KCNK13: variants seen among roughly 807,000 people sequenced by gnomAD.
KCNK13 encodes potassium two pore domain channel subfamily K member 13.
Under a neutral mutation model 23.4 loss-of-function variants are expected in KCNK13, and 12 were observed. The observed-to-expected ratio is 0.51, with a 90% CI of 0.33 to 0.83. The LOEUF is 0.83. Among genes scored for constraint, KCNK13 ranks in the 40% least tolerant of loss-of-function variants. The probability of loss-of-function intolerance (pLI) is 0.02; values close to 1 mark genes in which losing one functional copy is unlikely to be tolerated. For missense variants in KCNK13, 463 were observed against 556.3 expected, an observed-to-expected ratio of 0.83 and a Z score of 1.69; for synonymous variants, 231 against 229.5, an observed-to-expected ratio of 1.01 and a Z score of -0.06.
chr14:90,161,288 C>T (rs1001512427), intron 1 of KCNK13, among the ~76,000 whole-genome samples: 6 of 152,088 alleles, frequency 3.9e-5, no homozygotes, highest in African/African-American at 1.2e-4. Flanking sequence ...TAGAGGCTGC[C>T]GCAGTGGGGC....
At chr14:90,084,554 A>G (rs1219191875) in intron 1 of KCNK13, among the ~76,000 whole-genome samples, 7 of 152,226 alleles carry the variant, frequency 4.6e-5, no homozygotes, top group Admixed American at 3.3e-4. Flanking sequence ...AGGATTTTCT[A>G]TATACATGAA....
intron 1 of KCNK13, among the ~76,000 whole-genome samples, chr14:90,142,397 C>T (rs1890019266): frequency 7.5e-6 from 1 of 133,442 alleles, no homozygotes; most frequent in Non-Finnish European, 1.5e-5. Flanking sequence ...CGGCTCACTG[C>T]AAGCTCCGCC....
chr14:90,140,908 C>T (rs1184059412), intron 1 of KCNK13, among the ~76,000 whole-genome samples: 1 of 152,154 alleles, frequency 6.6e-6, no homozygotes, highest in Non-Finnish European at 1.5e-5. Context: ...GCAGAGGGGA[C>T]CTGAGCCCCC....
intron 1 of KCNK13, among the ~76,000 whole-genome samples, chr14:90,079,539 G>A (rs1260374646): frequency 1.3e-5 from 2 of 152,156 alleles, no homozygotes; most frequent in Non-Finnish European, 1.5e-5. Context: ...TCACAGGTGT[G>A]AGCCATTAGC....
At chr14:90,076,913 G>A (rs887618606) in intron 1 of KCNK13, among the ~76,000 whole-genome samples, 1 of 152,094 alleles carries the variant, frequency 6.6e-6, no homozygotes, top group African/African-American at 2.4e-5. Flanking sequence ...TCTGCTTCCC[G>A]AGTTCACTCC....
intron 1 of KCNK13, among the ~76,000 whole-genome samples, chr14:90,069,570 C>G (rs971902324): frequency 1.3e-5 from 2 of 151,210 alleles, no homozygotes; most frequent in Non-Finnish European, 2.9e-5. Context: ...GAGGAAAGAG[C>G]TTTTGAAATC....
intron 1 of KCNK13, among the ~76,000 whole-genome samples, chr14:90,064,666 C>T (rs1164219877): frequency 1.3e-5 from 2 of 152,194 alleles, no homozygotes; most frequent in Non-Finnish European, 2.9e-5. Context: ...CTGCTCCCTC[C>T]GTCTGCGTAA....
intron 1 of KCNK13, chr14:90,107,959 G>A: frequency 2.7e-6 from 2 of 731,064 alleles, no homozygotes; most frequent in Non-Finnish European, 5.2e-6. Flanking sequence ...GTGGGGAACT[G>A]CTGACGCGGC....
chr14:90,087,369 G>A (rs1889293513), intron 1 of KCNK13, among the ~76,000 whole-genome samples: 1 of 151,776 alleles, frequency 6.6e-6, no homozygotes, highest in Non-Finnish European at 1.5e-5. Context: ...TAATACAGCT[G>A]CTTTTGTAAT....
chr14:90,123,144 G>C (rs926742639), intron 1 of KCNK13, among the ~76,000 whole-genome samples: 20 of 152,194 alleles, frequency 1.3e-4, no homozygotes, highest in Admixed American at 1.1e-3. Flanking sequence ...CCAGGAACTT[G>C]CACTCACTGA....
chr14:90,144,737 G>T (rs982074718), intron 1 of KCNK13, among the ~76,000 whole-genome samples: 1 of 151,910 alleles, frequency 6.6e-6, no homozygotes, highest in Non-Finnish European at 1.5e-5. Context: ...GGGATTATAG[G>T]CTTGAACCAC....
chr14:90,138,224 G>A (rs965453921), intron 1 of KCNK13, among the ~76,000 whole-genome samples: 1 of 151,964 alleles, frequency 6.6e-6, no homozygotes, highest in Non-Finnish European at 1.5e-5. Flanking sequence ...ATATATATAT[G>A]TAAACAATTC....
chr14:90,102,345 T>C (rs1889491980), intron 1 of KCNK13, among the ~76,000 whole-genome samples: 1 of 152,188 alleles, frequency 6.6e-6, no homozygotes, highest in Admixed American at 6.5e-5. Context: ...CAGATTCAGT[T>C]CATAACTCTC....
At chr14:90,155,641 CA>C (rs1196845663) in intron 1 of KCNK13, among the ~76,000 whole-genome samples, 1 of 152,078 alleles carries the variant, frequency 6.6e-6, no homozygotes, top group Non-Finnish European at 1.5e-5. Flanking sequence ...GTAGGTAGAA[CA>C]AACGGGATCT....
intron 1 of KCNK13, among the ~76,000 whole-genome samples, chr14:90,117,734 A>G (rs377471777): frequency 7.9e-5 from 12 of 152,232 alleles, no homozygotes; most frequent in African/African-American, 2.9e-4. Flanking sequence ...GGTACTTAGT[A>G]CATTCACAGT....
chr14:90,087,156 T>TATATATATA (rs1555401790), intron 1 of KCNK13, among the ~76,000 whole-genome samples: 8 of 117,736 alleles, frequency 6.8e-5, no homozygotes, highest in African/African-American at 2.3e-4. Context: ...ATATATATAT[T>TATATATATA]TTTTTTTTTT....
chr14:90,158,712 C>G (rs1299323385), intron 1 of KCNK13, among the ~76,000 whole-genome samples: 1 of 152,234 alleles, frequency 6.6e-6, no homozygotes, highest in East Asian at 1.9e-4. Flanking sequence ...TGCCTTCCTT[C>G]TTTCCAAATA....
intron 1 of KCNK13, among the ~76,000 whole-genome samples, chr14:90,071,855 A>G (rs968506480): frequency 6.6e-6 from 1 of 151,716 alleles, no homozygotes; most frequent in Admixed American, 6.6e-5. Context: ...CCGAGATCGC[A>G]CCACTGCACT....
At chr14:90,078,219 A>G (rs1424492055) in intron 1 of KCNK13, among the ~76,000 whole-genome samples, 1 of 152,200 alleles carries the variant, frequency 6.6e-6, no homozygotes, top group Admixed American at 6.5e-5. Context: ...CAGGAGTTTG[A>G]GACCATCCTG....
Sources: allele counts gnomAD v4.1 joint callset (sites outside exome capture counted in the v4.1 genomes callset), GRCh38; gene constraint gnomAD v4.1.1; transcripts MANE v1.5; gene names NCBI Gene and HGNC (gene_info 2026-07-23, HGNC 2026-07-21).